Variants in ADGB observed in about 807,000 individuals in gnomAD.
ADGB encodes the protein calpain-7-like protein.
In ADGB, 172 loss-of-function variants were observed where a neutral mutation model predicts 210.5. That is an observed-to-expected ratio of 0.82 (90% confidence interval 0.72 to 0.93). ADGB has a LOEUF of 0.93. ADGB is among the 40% of genes least tolerant of loss of function. The pLI is 0.00. For missense variants in ADGB, 2,025 were observed against 1,964.8 expected (o/e 1.03, Z -0.58); for synonymous variants, 658 against 662.7 (o/e 0.99, Z 0.11).
At chr6:146,748,556 C>T (rs771134028) in intron 26 of ADGB, among the ~76,000 whole-genome samples, 28 of 152,102 alleles carry the variant, frequency 1.8e-4, no homozygotes, top group African/African-American at 4.1e-4. Context: ...AACATCTTCA[C>T]GTGGTATCTT....
At chr6:146,644,296 A>G (rs1775572889) in intron 2 of ADGB, among the ~76,000 whole-genome samples, 1 of 151,930 alleles carries the variant, frequency 6.6e-6, no homozygotes, top group Non-Finnish European at 1.5e-5. Flanking sequence ...TTTTAAAATA[A>G]ATAAATGAAA....
At chr6:146,616,340 T>C (rs934240070) in intron 1 of ADGB, among the ~76,000 whole-genome samples, 1 of 151,888 alleles carries the variant, frequency 6.6e-6, no homozygotes, top group Non-Finnish European at 1.5e-5. Context: ...CTAAAGTAGA[T>C]GGTTTGTGAA....
intron 19 of ADGB, among the ~76,000 whole-genome samples, chr6:146,727,507 A>C (rs1776913890): frequency 6.6e-6 from 1 of 152,192 alleles, no homozygotes; most frequent in Non-Finnish European, 1.5e-5. Context: ...ATTCTGCTTT[A>C]TATGGTATAC....
At chr6:146,671,478 A>T (rs1776008083) in intron 7 of ADGB, among the ~76,000 whole-genome samples, 1 of 152,160 alleles carries the variant, frequency 6.6e-6, no homozygotes, top group Non-Finnish European at 1.5e-5. Context: ...GTAGAAGGTG[A>T]TGCAGGACAT....
At chr6:146,608,882 G>A (rs1434472716) in intron 1 of ADGB, among the ~76,000 whole-genome samples, 1 of 152,120 alleles carries the variant, frequency 6.6e-6, no homozygotes, top group Non-Finnish European at 1.5e-5. Context: ...TGTCTGTCAG[G>A]TCCATTCGGT....
chr6:146,610,933 G>T (rs1277897189), intron 1 of ADGB, among the ~76,000 whole-genome samples: 1 of 152,106 alleles, frequency 6.6e-6, no homozygotes, highest in Admixed American at 6.5e-5. Context: ...GGCCAGTGGT[G>T]GGGTGATGGG....
intron 13 of ADGB, among the ~76,000 whole-genome samples, chr6:146,708,203 A>G (rs1776604059): frequency 6.6e-6 from 1 of 152,088 alleles, no homozygotes; most frequent in South Asian, 2.1e-4. Flanking sequence ...TAGTAATTTT[A>G]ACCTTCATAC....
In ADGB at chr6:146,801,171, T is replaced by TG. The variant is rs1349175123; in HGVS notation, c.4538-12_4538-11insG. 9.0e-6 allele frequency: 13 copies of TG among 1,437,706 alleles called. No individual in the cohort carries two copies. Among genetic ancestry groups the TG allele is most frequent in the Non-Finnish European group, 1.2e-5 (13 of 1,082,784 alleles). 89.1% of individuals were successfully genotyped at this position (1,437,706 alleles called of 1,614,324 possible). A position where few individuals can be genotyped will look rare whatever the true frequency, so the allele number is the denominator to read the frequency against. ...GCCTAGGTTTTTTGTTGTGTGTGTG[T>TG]TTTTTTTAAAGAAACAGGACCTCGT... On this transcript the variant is annotated splice_polypyrimidine_tract_variant and intron_variant, in intron 33 of 35. Coordinates refer to ENST00000397944, the MANE Select transcript of ADGB (RefSeq NM_024694.4).
At chr6:146,700,440 G>A (rs1776474056) in intron 12 of ADGB, among the ~76,000 whole-genome samples, 1 of 152,096 alleles carries the variant, frequency 6.6e-6, no homozygotes, top group Non-Finnish European at 1.5e-5. Context: ...CTACAAAAAT[G>A]TCTTTACGTA....
At chr6:146,650,834 C>G (rs368961130) in intron 3 of ADGB, among the ~76,000 whole-genome samples, 10 of 152,206 alleles carry the variant, frequency 6.6e-5, no homozygotes, top group African/African-American at 1.9e-4. Context: ...CCAAACTAAT[C>G]CCTGAAAGGG....
chr6:146,641,597 A>T (rs913259501), intron 2 of ADGB, among the ~76,000 whole-genome samples: 2 of 151,902 alleles, frequency 1.3e-5, no homozygotes, highest in African/African-American at 4.8e-5. Flanking sequence ...CATAAGTAAG[A>T]CCACACATCT....
chr6:146,671,641 C>A (rs964235809), intron 7 of ADGB, among the ~76,000 whole-genome samples: 3 of 151,924 alleles, frequency 2.0e-5, no homozygotes, highest in African/African-American at 7.3e-5. Flanking sequence ...TGAGGAAATA[C>A]TATGTAAAAT....
chr6:146,729,523 C>T (rs1321342986), intron 20 of ADGB, among the ~76,000 whole-genome samples: 1 of 152,042 alleles, frequency 6.6e-6, no homozygotes, highest in East Asian at 1.9e-4. Flanking sequence ...GCAGCCTGAA[C>T]TCCTGGGCTC....
intron 12 of ADGB, among the ~76,000 whole-genome samples, chr6:146,696,053 A>C (rs967885017): frequency 4.6e-5 from 7 of 152,024 alleles, no homozygotes; most frequent in African/African-American, 1.7e-4. Flanking sequence ...ATATTTCTTA[A>C]GTTCCCTTTT....
intron 1 of ADGB, among the ~76,000 whole-genome samples, chr6:146,610,559 A>G (rs1420896465): frequency 6.6e-6 from 1 of 152,184 alleles, no homozygotes; most frequent in Non-Finnish European, 1.5e-5. Context: ...TGAGCATAGT[A>G]TAAGTTGAAT....
chr6:146,601,048 T>C (rs1393556005), intron 1 of ADGB, among the ~76,000 whole-genome samples: 1 of 152,048 alleles, frequency 6.6e-6, no homozygotes, highest in Admixed American at 6.6e-5. Context: ...ATCTTGGACT[T>C]TAATGAGTTT....
In ADGB at chr6:146,663,843, A is replaced by C. The variant is rs77323668; in HGVS notation, c.613-358A>C. ...GAGAATTTGTATTTTGACTATGTTAAGTTATTTGATTATGTCCAAGCTTAT... is the reference window on the plus strand; with the variant it reads ...GAGAATTTGTATTTTGACTATGTTACGTTATTTGATTATGTCCAAGCTTAT... On this transcript the variant is annotated intron_variant, in intron 5 of 35. Coordinates refer to ENST00000397944, the MANE Select transcript of ADGB (RefSeq NM_024694.4). 5.8e-3 allele frequency among the ~76,000 whole-genome samples: 875 copies of C among 152,004 alleles called. 9 individuals are homozygous for C. The highest frequency in any genetic ancestry group is 0.02 in the African/African-American group (815 of 41,356).
chr6:146,796,702 C>T (rs1047473506), intron 33 of ADGB, among the ~76,000 whole-genome samples: 3 of 152,080 alleles, frequency 2.0e-5, no homozygotes, highest in African/African-American at 7.2e-5. Context: ...TCATCTTATA[C>T]AAAAATCAAC....
At chr6:146,599,202 G>A in intron 1 of ADGB, 88 bp downstream of exon 1, 1 of 1,259,182 alleles carries the variant, frequency 7.9e-7, no homozygotes, top group East Asian at 2.5e-5. Flanking sequence ...GCAGCAAACT[G>A]TGCCAGGGCA....
Sources: allele counts gnomAD v4.1 joint callset (sites outside exome capture counted in the v4.1 genomes callset), GRCh38; gene constraint gnomAD v4.1.1; transcripts MANE v1.5; gene names NCBI Gene and HGNC (gene_info 2026-07-23, HGNC 2026-07-21).